The following PRKG1 variants were observed in gnomAD, a reference collection of about 807,000 sequenced individuals.
PRKG1 encodes cGMP-dependent protein kinase 1.
PRKG1 carries 35 observed loss-of-function variants against 88.1 expected under a neutral mutation model. That is an observed-to-expected ratio of 0.40 (90% CI 0.30 to 0.53). PRKG1 has a LOEUF of 0.53. Among genes scored for constraint, PRKG1 ranks in the 20% least tolerant of loss-of-function variants. PRKG1 has a pLI of 0.59. For synonymous variants in PRKG1, 303 were observed against 292.5 expected, an observed-to-expected ratio of 1.04 and a Z score of -0.37; for missense variants, 540 against 839.8, an observed-to-expected ratio of 0.64 and a Z score of 4.41.
At chr10:52,086,742 C>T (rs1846925175) in intron 7 of PRKG1, among the ~76,000 whole-genome samples, 1 of 152,054 alleles carries the variant, frequency 6.6e-6, no homozygotes, top group African/African-American at 2.4e-5. Context: ...TATATGTGGG[C>T]ATTTGAACAG....
rs1421166959 is a variant in PRKG1 at position 51,561,522 on chromosome 10, A to G, written c.592+93686A>G. On this transcript the variant is annotated intron_variant, in intron 3 of 17. Transcript: ENST00000373980. ...GTTCCATCCTATCAACAGCCCTTCC[A>G]TGTTTGTTTCTATGTTATAGATGAG... Among the ~76,000 whole-genome samples the G allele has an allele frequency of 3.3e-5, 5 of 152,204 alleles. No homozygotes were observed. In the South Asian group the frequency reaches 6.2e-4, roughly 19 times the overall value.
chr10:51,119,836 G>A lies in PRKG1; in HGVS notation c.312-33328G>A, dbSNP rs2131913068. ...CGTATAAAAAATAATTAATTTTTTAGTCAATGTTCTAGAAAAATTATTATT... is the reference window on the plus strand; with the variant it reads ...CGTATAAAAAATAATTAATTTTTTAATCAATGTTCTAGAAAAATTATTATT... On this transcript the variant is annotated intron_variant, in intron 1 of 17. Transcript: ENST00000373980. Among the ~76,000 whole-genome samples, 3 of 152,152 alleles carry A rather than the reference G, an allele frequency of 2.0e-5. No individual in the cohort carries two copies. In the Middle Eastern group the frequency reaches 0.01, roughly 521 times the overall value.
chr10:51,033,203 C>A (rs371620207), intron 1 of PRKG1, among the ~76,000 whole-genome samples: 1 of 152,114 alleles, frequency 6.6e-6, no homozygotes, highest in Non-Finnish European at 1.5e-5. Flanking sequence ...TTCATTTGGA[C>A]GTGCTTCCCT....
chr10:51,849,259 G>A (rs1296900457), intron 4 of PRKG1, among the ~76,000 whole-genome samples: 2 of 152,124 alleles, frequency 1.3e-5, no homozygotes, highest in Admixed American at 1.3e-4. Flanking sequence ...ACAGGCATGA[G>A]TTTGAATTTT....
chr10:51,466,367 C>T (rs1386624915), intron 2 of PRKG1, among the ~76,000 whole-genome samples: 1 of 152,014 alleles, frequency 6.6e-6, no homozygotes, highest in Non-Finnish European at 1.5e-5. Flanking sequence ...TGAATTTGTT[C>T]ATTCCTGACT....
intron 2 of PRKG1, among the ~76,000 whole-genome samples, chr10:51,357,462 C>A (rs1842390899): frequency 6.6e-6 from 1 of 151,958 alleles, no homozygotes; most frequent in Non-Finnish European, 1.5e-5. Flanking sequence ...GCTGCACACC[C>A]TTCTCTGAAA....
intron 2 of PRKG1, among the ~76,000 whole-genome samples, chr10:51,155,948 A>G (rs1471552386): frequency 6.6e-6 from 1 of 152,014 alleles, no homozygotes; most frequent in Non-Finnish European, 1.5e-5. Flanking sequence ...GACCTATCCA[A>G]GTTGACATGT....
In PRKG1 at chr10:50,999,958, A is replaced by T. The variant is rs139368402; in HGVS notation, c.266+8314A>T. Reference sequence around the variant, plus strand: ...TCCCACATGCTACTTTTCAGAGAAGAGGTAAGAGGAGCACTATCTAGAACG... The same window carrying T: ...TCCCACATGCTACTTTTCAGAGAAGTGGTAAGAGGAGCACTATCTAGAACG... On this transcript the variant is annotated intron_variant, in intron 1 of 17. Coordinates refer to the PRKG1 transcript ENST00000401604. Among the ~76,000 whole-genome samples, 1,138 of 152,326 alleles carry T rather than the reference A, an allele frequency of 7.5e-3. 17 individuals are homozygous for T. Among genetic ancestry groups the T allele is most frequent in the African/African-American group, 0.026 (1,099 of 41,572 alleles).
At chr10:51,706,834 G>T (rs1428149484) in intron 3 of PRKG1, among the ~76,000 whole-genome samples, 1 of 151,922 alleles carries the variant, frequency 6.6e-6, no homozygotes, top group Non-Finnish European at 1.5e-5. Flanking sequence ...ACCTGTATTG[G>T]ATTATTGTGT....
intron 8 of PRKG1, among the ~76,000 whole-genome samples, chr10:52,151,814 A>T (rs185382881): frequency 6.6e-6 from 1 of 152,194 alleles, no homozygotes; most frequent in Non-Finnish European, 1.5e-5. Flanking sequence ...CTGAGATTTG[A>T]TTCTAATTTC....
intron 2 of PRKG1, among the ~76,000 whole-genome samples, chr10:51,432,129 T>C (rs533864948): frequency 6.6e-6 from 1 of 152,284 alleles, no homozygotes; most frequent in South Asian, 2.1e-4. Context: ...CAAGGTTTGA[T>C]TTTTATAGGA....
chr10:51,269,989 A>G (rs1380531551), intron 2 of PRKG1, among the ~76,000 whole-genome samples: 2 of 152,240 alleles, frequency 1.3e-5, no homozygotes, highest in Non-Finnish European at 2.9e-5. Context: ...ATAGAAAACC[A>G]CAGAGATTGC....
At chr10:51,507,158 G>T (rs981486328) in intron 3 of PRKG1, among the ~76,000 whole-genome samples, 52 of 144,456 alleles carry the variant, frequency 3.6e-4, no homozygotes, top group Non-Finnish European at 6.2e-4. Context: ...TTGTGGAGTA[G>T]GGGGAGGGGG....
At chr10:51,799,093 C>G (rs1839095309) in intron 3 of PRKG1, among the ~76,000 whole-genome samples, 1 of 151,996 alleles carries the variant, frequency 6.6e-6, no homozygotes, top group South Asian at 2.1e-4. Flanking sequence ...TAATCTCTGT[C>G]CCTGTCTTGG....
intron 9 of PRKG1, among the ~76,000 whole-genome samples, chr10:52,166,786 C>T (rs1318643225): frequency 1.1e-4 from 1 of 8,830 alleles, no homozygotes; most frequent in African/African-American, 1.6e-4. Context: ...AATAAAAAAG[C>T]CTATATATAT....
intron 5 of PRKG1, among the ~76,000 whole-genome samples, chr10:51,923,314 A>T (rs1417921163): frequency 1.3e-5 from 2 of 151,792 alleles, no homozygotes; most frequent in East Asian, 3.9e-4. Flanking sequence ...TTTAAAGATA[A>T]CCTATGGTTT....
chr10:51,279,013 C>T (rs1840214501), intron 2 of PRKG1, among the ~76,000 whole-genome samples: 1 of 152,030 alleles, frequency 6.6e-6, no homozygotes, highest in Non-Finnish European at 1.5e-5. Context: ...AATGTGTTTG[C>T]TCTTGCTTCT....
chr10:52,013,280 G>C (rs141670076), intron 5 of PRKG1, among the ~76,000 whole-genome samples: 2 of 152,132 alleles, frequency 1.3e-5, no homozygotes, highest in Non-Finnish European at 2.9e-5. Context: ...TTTGCCAGGC[G>C]TGGTGGTGGA....
intron 2 of PRKG1, among the ~76,000 whole-genome samples, chr10:51,224,390 A>G (rs1838633611): frequency 6.6e-6 from 1 of 152,170 alleles, no homozygotes; most frequent in Admixed American, 6.5e-5. Flanking sequence ...TTCCCATCCT[A>G]TTCTCTTTAA....
Sources: gnomAD v4.1 joint callset for allele counts (sites outside exome capture counted in the v4.1 genomes callset) on GRCh38, gnomAD v4.1.1 for gene constraint, MANE v1.5 for transcripts, NCBI Gene and HGNC (gene_info 2026-07-23, HGNC 2026-07-21) for gene names.